LRP1: variants seen among roughly 807,000 people sequenced by gnomAD.
LRP1 encodes LDL receptor related protein 1, also known as prolow-density lipoprotein receptor-related protein 1.
A neutral mutation model predicts 541.5 loss-of-function variants in LRP1; 51 were observed. That is an observed-to-expected ratio of 0.09 (90% CI 0.08 to 0.12). The LOEUF is 0.12. LRP1 is among the 10% of genes least tolerant of loss of function. The pLI, the probability that LRP1 is intolerant of heterozygous loss-of-function variation, is 1.00. For synonymous variants in LRP1, 2,219 were observed against 2,470.8 expected (o/e 0.90, Z 3.02); for missense variants, 3,878 against 6,376.2 (o/e 0.61, Z 13.34).
At position 57,212,217 on chromosome 12, in the gene LRP1, G is replaced by A. The variant is rs548575481; in HGVS notation, c.13450G>A (p.Val4484Met). Residue 4484 changes from valine (V) to methionine (M), a missense_variant, in exon 88 of 89, where the codon GTG (valine) becomes ATG (methionine). Physicochemically the swap from Val to Met is conservative, Grantham distance 21 (BLOSUM62 1). Transcript: ENST00000243077. The surrounding 1 kb of genome is among the most constrained non-coding windows in gnomAD (Gnocchi z 5.0). Reference sequence around the variant, plus strand: ...GTACGAAGGCGGAGAGCCTGATGATGTGGGAGGCCTACTGGACGCTGACTT... The same window carrying A: ...GTACGAAGGCGGAGAGCCTGATGATATGGGAGGCCTACTGGACGCTGACTT... ...KMYEGGEPDD[V>M]GGLLDADFAL... The A allele has an allele frequency of 6.8e-6, 11 of 1,613,846 alleles. No homozygotes were observed. In the South Asian group the frequency reaches 1.1e-4, roughly 16 times the overall value.
chr12:57,205,031 C>T lies in LRP1; in HGVS notation c.11195-78C>T. On this transcript the variant is annotated intron_variant, in intron 72 of 88. Transcript: ENST00000243077. This position sits in a 1 kb window ranked among gnomAD's most constrained non-coding sequence, Gnocchi z 4.6. ...GCCTTGTCACTTAGGAATTGGGAGC[C>T]ACTGTTATCTATGGGGTTGCCGTGG... is the stretch of plus-strand genomic sequence containing the variant. The T allele has an allele frequency of 6.5e-7, 1 of 1,526,840 alleles. No homozygotes were observed. Among genetic ancestry groups the T allele is most frequent in the African/African-American group, 1.4e-5 (1 of 72,344 alleles). 94.6% of individuals were successfully genotyped at this position (1,526,840 alleles called of 1,614,324 possible). A position where few individuals can be genotyped will look rare whatever the true frequency, so the allele number is the denominator to read the frequency against.
At chr12:57,169,574 G>T (rs2035905614) in intron 20 of LRP1, among the ~76,000 whole-genome samples, 1 of 152,204 alleles carries the variant, frequency 6.6e-6, no homozygotes, top group African/African-American at 2.4e-5. Flanking sequence ...TTATTATCTG[G>T]GTGGCCTTGA....
chr12:57,202,791 C>T, intron 68 of LRP1: 1 of 587,484 alleles, frequency 1.7e-6, no homozygotes, highest in East Asian at 2.8e-5. Flanking sequence ...GCCCGTGCTC[C>T]CACCATACCC....
At chr12:57,164,257 T>A (rs1291849118) in intron 15 of LRP1, among the ~76,000 whole-genome samples, 1 of 152,220 alleles carries the variant, frequency 6.6e-6, no homozygotes, top group Admixed American at 6.5e-5. Context: ...CCACCACCTG[T>A]AGATAACCAC....
In LRP1 at chr12:57,177,829, C is replaced by T. The variant is rs1339843717; in HGVS notation, c.4361+238C>T. Reference sequence around the variant, plus strand: ...TCAGCTGTGGTTATTCACACTGTACCATCCTCTCCACTCACCTGTCCTCTC... The same window carrying T: ...TCAGCTGTGGTTATTCACACTGTACTATCCTCTCCACTCACCTGTCCTCTC... On this transcript the variant is annotated intron_variant, in intron 26 of 88. Coordinates refer to ENST00000243077, the MANE Select transcript of LRP1 (RefSeq NM_002332.3). This position sits in a 1 kb window ranked among gnomAD's most constrained non-coding sequence, Gnocchi z 6.8. Among the ~76,000 whole-genome samples the T allele has an allele frequency of 6.6e-6, 1 of 152,132 alleles. No individual in the cohort carries two copies. Among genetic ancestry groups the T allele is most frequent in the African/African-American group, 2.4e-5 (1 of 41,424 alleles).
chr12:57,175,558 C>T lies in LRP1; in HGVS notation c.3646C>T (p.Pro1216Ser), dbSNP rs990316274. The change falls in exon 23 of 89, where the codon CCC becomes TCC. Residue 1216 changes from proline to serine, a missense_variant. By Grantham distance (74) the Pro-to-Ser change is moderately conservative. This residue lies in a region of LRP1 where 320 missense variants were observed against 547.9 expected (regional missense o/e 0.58). Transcript: ENST00000243077. ...CSCPLGMELGPDNHTCQIQSY... is the reference protein window; with the variant it reads ...CSCPLGMELGSDNHTCQIQSY... ...CTGCCCTCTGGGCATGGAGCTGGGG[C>T]CCGACAACCACACCTGCCAGATCCA... is the stretch of plus-strand genomic sequence containing the variant. 1 of 1,614,040 alleles carries T rather than the reference C, an allele frequency of 6.2e-7. No individual in the cohort carries two copies. The highest frequency in any genetic ancestry group is 1.3e-5 in the African/African-American group (1 of 74,956).
intron 50 of LRP1, 135 bp from the exon 51 acceptor site, chr12:57,194,850 C>CTAGCT (rs1374833971): frequency 8.6e-7 from 1 of 1,168,834 alleles, no homozygotes; most frequent in African/African-American, 1.5e-5. Context: ...CTCAGAGACT[C>CTAGCT]TGCCTCTAGC....
Position 57,211,871 on chromosome 12 carries a change from T to C in LRP1, c.13259-56T>C, listed in dbSNP as rs1370575046. The C allele has an allele frequency of 1.2e-6, 2 of 1,611,968 alleles. No homozygotes were observed. Among genetic ancestry groups the C allele is most frequent in the Non-Finnish European group, 1.7e-6 (2 of 1,178,364 alleles). Reference sequence around the variant, plus strand: ...ACCGGGACCTAGAGCAGGGGGACCGTGTGCCTCCTGCTTCCCTGAGCCTTG... The same window carrying C: ...ACCGGGACCTAGAGCAGGGGGACCGCGTGCCTCCTGCTTCCCTGAGCCTTG... On this transcript the variant is annotated intron_variant, in intron 86 of 88. Coordinates refer to ENST00000243077, the MANE Select transcript of LRP1 (RefSeq NM_002332.3). The surrounding 1 kb of genome is among the most constrained non-coding windows in gnomAD (Gnocchi z 4.3).
chr12:57,197,203 C>T lies in LRP1; in HGVS notation c.9076+38C>T, dbSNP rs369563002. On this transcript the variant is annotated intron_variant, in intron 56 of 88. Coordinates refer to ENST00000243077, the MANE Select transcript of LRP1 (RefSeq NM_002332.3). The surrounding 1 kb of genome is among the most constrained non-coding windows in gnomAD (Gnocchi z 4.5). ...CTTGGAGGGCATGAGGTGACCCAGG[C>T]TGTGTGGGACTGCCCGGGTGGCAGA... 5.0e-6 allele frequency: 8 copies of T among 1,613,556 alleles called. No homozygotes were observed. Among genetic ancestry groups the T allele is most frequent in the Non-Finnish European group, 6.8e-6 (8 of 1,179,750 alleles).
Position 57,162,132 on chromosome 12 carries a change from G to T in LRP1, c.2203-185G>T, listed in dbSNP as rs748823969. The stretch of plus-strand genomic sequence containing the variant: ...TCCTTGCTGGATCACTCGATCACCC[G>T]CTGGCTTCAGGATCTACCATCCCAC... On this transcript the variant is annotated intron_variant, in intron 13 of 88. Coordinates refer to ENST00000243077, the MANE Select transcript of LRP1 (RefSeq NM_002332.3). This position sits in a 1 kb window ranked among gnomAD's most constrained non-coding sequence, Gnocchi z 5.2. Among the ~76,000 whole-genome samples, 1 of 152,066 alleles carries T rather than the reference G, an allele frequency of 6.6e-6. No individual in the cohort carries two copies. Among genetic ancestry groups the T allele is most frequent in the Admixed American group, 6.6e-5 (1 of 15,264 alleles).
At chr12:57,198,001 C>T (rs759968327) in intron 58 of LRP1, among the ~76,000 whole-genome samples, 155 bp from the exon 59 acceptor site, 3 of 152,182 alleles carry the variant, frequency 2.0e-5, no homozygotes, top group Non-Finnish European at 4.4e-5. Context: ...CAGTGTCAGG[C>T]CCAGGACTGG....
At position 57,211,413 on chromosome 12, in the gene LRP1, C is replaced by T; in HGVS notation, c.13091+63C>T. On this transcript the variant is annotated intron_variant, in intron 84 of 88. Coordinates refer to ENST00000243077, the MANE Select transcript of LRP1 (RefSeq NM_002332.3). The surrounding 1 kb of genome is among the most constrained non-coding windows in gnomAD (Gnocchi z 4.3). ...GCCCCTGCCCTGTCCTAGCCCTGCC[C>T]TGCCCCTCCCTTCCTCAGCATCCCA... 1 of 1,608,842 alleles carries T rather than the reference C, an allele frequency of 6.2e-7. No individual in the cohort carries two copies. The highest frequency in any genetic ancestry group is 8.5e-7 in the Non-Finnish European group (1 of 1,177,878).
chr12:57,151,809 G>A (rs762041436), intron 6 of LRP1, among the ~76,000 whole-genome samples: 21 of 149,786 alleles, frequency 1.4e-4, no homozygotes, highest in African/African-American at 2.0e-4. Context: ...GCATACGTGC[G>A]TATGTGCGTG....
Position 57,187,475 on chromosome 12 carries a change from A to G in LRP1, c.7031+19A>G, listed in dbSNP as rs983384699. 2 of 1,606,390 alleles carry G rather than the reference A, an allele frequency of 1.2e-6. No individual in the cohort carries two copies. Among genetic ancestry groups the G allele is most frequent in the Non-Finnish European group, 8.5e-7 (1 of 1,175,876 alleles). ...GCCAGAAGTGAGCTGCTGCCTGGGGATGGGGGTAGCAGGGAGAGGTGGGAC... is the reference window on the plus strand; with the variant it reads ...GCCAGAAGTGAGCTGCTGCCTGGGGGTGGGGGTAGCAGGGAGAGGTGGGAC... On this transcript the variant is annotated intron_variant, in intron 42 of 88. Coordinates refer to ENST00000243077, the MANE Select transcript of LRP1 (RefSeq NM_002332.3).
chr12:57,139,005 T>TA (rs1592601981), intron 2 of LRP1, among the ~76,000 whole-genome samples: 1 of 152,178 alleles, frequency 6.6e-6, no homozygotes, highest in Non-Finnish European at 1.5e-5. Flanking sequence ...CTCAGCCCCA[T>TA]ACCAGAAGCC....
In LRP1 at chr12:57,199,985, G is replaced by A; in HGVS notation, c.9974G>A (p.Ser3325Asn). 2 of 1,597,538 alleles carry A rather than the reference G, an allele frequency of 1.3e-6. No individual in the cohort carries two copies. Among genetic ancestry groups the A allele is most frequent in the African/African-American group, 1.4e-5 (1 of 73,840 alleles). The change falls in exon 62 of 89, where the codon AGC becomes AAC. Residue 3325 changes from serine to asparagine, a missense_variant. Around this residue, in one of 13 missense-constraint regions of LRP1, gnomAD observed 278 missense variants for 536.3 expected, o/e 0.52. Coordinates refer to ENST00000243077, the MANE Select transcript of LRP1 (RefSeq NM_002332.3). ...CACPTNFYLG[S>N]DGRTCVSNCT... is the part of the protein sequence containing the mutation. ...TGCCCCACCAACTTCTACCTGGGCA[G>A]CGATGGGCGCACCTGTGTGTCCAAC...
rs1052190198 is a variant in LRP1 at position 57,178,148 on chromosome 12, G to A, written c.4362-211G>A. Among the ~76,000 whole-genome samples, 6 of 152,196 alleles carry A rather than the reference G, an allele frequency of 3.9e-5. No homozygotes were observed. The highest frequency in any genetic ancestry group is 7.4e-5 in the Non-Finnish European group (5 of 67,990). ...AAGATTCCCTTGGGGCTTGGGAATC[G>A]GGGCCTGAGAGGTGAAACCTGGACC... On this transcript the variant is annotated intron_variant, in intron 26 of 88. Transcript: ENST00000243077. The surrounding 1 kb of genome is among the most constrained non-coding windows in gnomAD (Gnocchi z 5.8).
In LRP1 at chr12:57,180,797, C is replaced by T. The variant is rs2036148221; in HGVS notation, c.5517C>T (p.Ser1839=). The part of the protein sequence containing the change: ...LVMHMKVYDE[S]IQLDHKGTNP... Reference sequence around the variant, plus strand: ...TGCACATGAAGGTCTATGACGAGAGCATCCAGCTGGGTAGGTGCGAGGCCG... The same window carrying T: ...TGCACATGAAGGTCTATGACGAGAGTATCCAGCTGGGTAGGTGCGAGGCCG... Residue 1839 remains serine, a synonymous_variant, in exon 33 of 89, where the codon AGC becomes AGT. Transcript: ENST00000243077. 6.2e-7 allele frequency: 1 copy of T among 1,613,908 alleles called. No homozygotes were observed. Among genetic ancestry groups the T allele is most frequent in the South Asian group, 1.1e-5 (1 of 91,090 alleles).
chr12:57,208,684 C>A, intron 77 of LRP1, 27 bp from the exon 78 acceptor site: 1 of 1,506,830 alleles, frequency 6.6e-7, no homozygotes, highest in Non-Finnish European at 9.2e-7. Flanking sequence ...TCCGGCCTGC[C>A]CACACTCACC....
Sources: gnomAD v4.1 joint callset for allele counts (sites outside exome capture counted in the v4.1 genomes callset) on GRCh38, gnomAD v4.1.1 for gene constraint, gnomAD v4.1.1 regional missense constraint, Gnocchi (gnomAD v3.1) non-coding constraint, MANE v1.5 for transcripts, NCBI Gene and HGNC (gene_info 2026-07-23, HGNC 2026-07-21) for gene names.